MAOA: variants seen among roughly 807,000 people sequenced by gnomAD.
MAOA encodes the protein monoamine oxidase A, also known as amine oxidase [flavin-containing] A.
MAOA carries 6 observed loss-of-function variants against 42.0 expected under a neutral mutation model. The ratio of observed to expected loss-of-function variants is 0.14; its 90% confidence interval spans 0.08 to 0.28. The LOEUF (loss-of-function observed/expected upper bound fraction) is 0.28, where lower values mean the gene tolerates loss of function less well. Ranked by LOEUF, MAOA falls within the 10% of genes least tolerant of loss-of-function variation. The pLI is 1.00. For synonymous variants in MAOA, 140 were observed against 154.0 expected, an observed-to-expected ratio of 0.91 and a Z score of 0.67; for missense variants, 262 against 422.3, an observed-to-expected ratio of 0.62 and a Z score of 3.33.
intron 1 of MAOA, among the ~76,000 whole-genome samples, chrX:43,658,930 A>G (rs1410427603): frequency 3.6e-5 from 4 of 111,587 alleles, no homozygotes; most frequent in African/African-American, 1.3e-4. Context: ...GCTTGGCAGT[A>G]TCCCATGAAT....
chrX:43,704,285 C>A (rs2033644341), intron 3 of MAOA, among the ~76,000 whole-genome samples: 1 of 111,199 alleles, frequency 9.0e-6, no homozygotes. Context: ...GGTTTATACA[C>A]CATGACTAAG....
At chrX:43,711,737 G>A in intron 3 of MAOA, 135 bp from the exon 4 acceptor site, 1 of 507,970 alleles carries the variant, frequency 2.0e-6, no homozygotes, top group Non-Finnish European at 3.5e-6. Context: ...GCCATCAAAG[G>A]TAATGTTTCT....
At chrX:43,656,016 C>T, upstream of MAOA, 1 of 316,805 alleles carries the variant, frequency 3.2e-6, no homozygotes, top group South Asian at 4.1e-5. Context: ...ATACAAGAAC[C>T]TCCTGCACCC....
chrX:43,656,542 C>A, intron 1 of MAOA, 128 bp downstream of exon 1: 3 of 629,256 alleles, frequency 4.8e-6, no homozygotes, highest in Non-Finnish European at 7.7e-6. Context: ...ATGGCTTGGC[C>A]CCATATCCTG....
rs192175638 is a variant in MAOA, at chrX:43,735,009, T to A, written c.1053-1218T>A. Among the ~76,000 whole-genome samples, 3 of 112,469 alleles carry A rather than the reference T, an allele frequency of 2.7e-5. No homozygotes were observed. In the East Asian group the frequency reaches 8.4e-4, roughly 31 times the overall value. On this transcript the variant is annotated intron_variant, in intron 9 of 14. Transcript: ENST00000338702. ...TAATAACAAGCTATAACTTGAGGTG[T>A]TAAATCATGCAAAATTATGACTATA...
intron 10 of MAOA, among the ~76,000 whole-genome samples, chrX:43,739,467 T>C (rs746311876): frequency 8.9e-6 from 1 of 112,334 alleles, no homozygotes; most frequent in South Asian, 3.6e-4. Context: ...ATAAAAATGG[T>C]TTAAGTGTGA....
intron 3 of MAOA, among the ~76,000 whole-genome samples, chrX:43,707,461 A>G (rs745814044): frequency 8.9e-6 from 1 of 111,997 alleles, no homozygotes; most frequent in African/African-American, 3.2e-5. Flanking sequence ...TGCAAAGAGG[A>G]TGACAAATGA....
rs1359937241 is a variant in MAOA, at chrX:43,722,417, G to A, written c.504-5756G>A. On this transcript the variant is annotated intron_variant, in intron 5 of 14. Coordinates refer to ENST00000338702, the MANE Select transcript of MAOA (RefSeq NM_000240.4). ...ATGAGATGGTATCTATTGTGGTTTT[G>A]ATTTGCATTTCTCTAATGACCAGTG... Among the ~76,000 whole-genome samples the A allele has an allele frequency of 2.7e-5, 3 of 112,334 alleles. No individual in the cohort carries two copies. The East Asian group carries it at 8.4e-4, about 31-fold the overall frequency.
intron 1 of MAOA, among the ~76,000 whole-genome samples, chrX:43,657,292 A>T (rs866787649): frequency 1.5e-5 from 1 of 67,569 alleles, no homozygotes; most frequent in Non-Finnish European, 3.2e-5. Flanking sequence ...TATATATATG[A>T]ACTGTGTGTG....
chrX:43,657,084 CTGTGTGTGTG>C (rs10560402), intron 1 of MAOA, among the ~76,000 whole-genome samples: 17 of 71,243 alleles, frequency 2.4e-4, no homozygotes, highest in African/African-American at 9.2e-4. Context: ...TAAACTATTC[CTGTGTGTGTG>C]TGTGTGTGTG....
intron 3 of MAOA, among the ~76,000 whole-genome samples, chrX:43,695,277 A>G (rs1271653214): frequency 8.9e-6 from 1 of 112,183 alleles, no homozygotes; most frequent in Non-Finnish European, 1.9e-5. Flanking sequence ...AGATTCAGTC[A>G]TTGAAAGACC....
chrX:43,716,544 C>G (rs1186179311), intron 5 of MAOA, among the ~76,000 whole-genome samples: 2 of 110,065 alleles, frequency 1.8e-5, no homozygotes, highest in Admixed American at 1.9e-4. Context: ...TGGTATCATC[C>G]CCAAATGACC....
intron 1 of MAOA, among the ~76,000 whole-genome samples, chrX:43,681,469 A>G (rs2033441875): frequency 9.0e-6 from 1 of 111,397 alleles, no homozygotes. Flanking sequence ...CTACAAATGT[A>G]ACAGCCTTGG....
chrX:43,656,176 A>G, upstream of MAOA: 1 of 461,916 alleles, frequency 2.2e-6, no homozygotes. Flanking sequence ...CTCCCGGAGT[A>G]TCAGCAAAAG....
chrX:43,717,853 G>A (rs1417819455), intron 5 of MAOA, among the ~76,000 whole-genome samples: 1 of 109,320 alleles, frequency 9.1e-6, no homozygotes, highest in Non-Finnish European at 1.9e-5. Context: ...TTGGGGAGGG[G>A]GGGAATGATG....
chrX:43,706,130 G>A (rs2033657509), intron 3 of MAOA, among the ~76,000 whole-genome samples: 1 of 112,087 alleles, frequency 8.9e-6, no homozygotes, highest in African/African-American at 3.2e-5. Flanking sequence ...TAAAGAAAAT[G>A]TTCTAAAATG....
chrX:43,737,582 C>T lies in MAOA; in HGVS notation c.1106+1302C>T, dbSNP rs200869259. Among the ~76,000 whole-genome samples the T allele has an allele frequency of 4.5e-5, 5 of 111,235 alleles. No homozygotes were observed. The East Asian group carries it at 1.4e-3, about 32-fold the overall frequency. On this transcript the variant is annotated intron_variant, in intron 10 of 14. Coordinates refer to ENST00000338702, the MANE Select transcript of MAOA (RefSeq NM_000240.4). ...CAAAAAGTGATGAAGGTGGTATCCT[C>T]ACTTGGAGGAAGGCAGAAGGGCAGA...
chrX:43,704,163 C>T (rs2033643458), intron 3 of MAOA, among the ~76,000 whole-genome samples: 1 of 110,877 alleles, frequency 9.0e-6, no homozygotes, highest in African/African-American at 3.3e-5. Flanking sequence ...AGTATTATCC[C>T]GAATAACAAA....
chrX:43,712,045 C>G, intron 4 of MAOA, 69 bp downstream of exon 4: 1 of 785,448 alleles, frequency 1.3e-6, no homozygotes, highest in Admixed American at 2.2e-5. Context: ...TAATATCCTT[C>G]CATAGTGCAG....
Sources: allele counts gnomAD v4.1 joint callset (sites outside exome capture counted in the v4.1 genomes callset), GRCh38; gene constraint gnomAD v4.1.1; transcripts MANE v1.5; gene names NCBI Gene and HGNC (gene_info 2026-07-23, HGNC 2026-07-21).